SREK1IP1: variants seen among roughly 807,000 people sequenced by gnomAD.
The protein encoded by SREK1IP1 is SREK1 interacting protein 1.
In SREK1IP1, 12 loss-of-function variants were observed where a neutral mutation model predicts 22.8. That is an observed-to-expected ratio of 0.53 (90% CI 0.34 to 0.85). The LOEUF (loss-of-function observed/expected upper bound fraction) is 0.85. SREK1IP1 is among the 40% of genes least tolerant of loss of function. SREK1IP1 has a pLI of 0.02. For missense variants in SREK1IP1, 147 were observed against 171.8 expected (o/e 0.86, Z 0.81); for synonymous variants, 53 against 52.7 (o/e 1.01, Z -0.02).
At chr5:64,750,982 A>C (rs1399052837) in intron 2 of SREK1IP1, among the ~76,000 whole-genome samples, 1 of 152,184 alleles carries the variant, frequency 6.6e-6, no homozygotes, top group Non-Finnish European at 1.5e-5. Flanking sequence ...TCTCTCATGG[A>C]AATTTCTTGA....
chr5:64,737,014 T>C lies in SREK1IP1; in HGVS notation c.205+4043A>G, dbSNP rs150900665. Among the ~76,000 whole-genome samples the C allele has an allele frequency of 1.7e-4, 26 of 151,834 alleles. No homozygotes were observed. In the East Asian group the frequency reaches 4.3e-3, roughly 25 times the overall value. On this transcript the variant is annotated intron_variant, in intron 3 of 4. Transcript: ENST00000513458. The stretch of plus-strand genomic sequence containing the variant: ...AACTAAGGAAATAAAACAGTAGCTA[T>C]GGGAATAATTTCCTCTTCTACTTAG...
intron 2 of SREK1IP1, among the ~76,000 whole-genome samples, chr5:64,744,431 T>C (rs1249911274): frequency 6.6e-6 from 1 of 152,208 alleles, no homozygotes; most frequent in African/African-American, 2.4e-5. Context: ...TTCTGTCTCA[T>C]GACCCTCAGT....
At chr5:64,733,773 T>TAGTATATCC (rs1742415225) in intron 3 of SREK1IP1, among the ~76,000 whole-genome samples, 2 of 152,048 alleles carry the variant, frequency 1.3e-5, no homozygotes, top group South Asian at 4.1e-4. Flanking sequence ...AAACAAACAG[T>TAGTATATCC]AGTATATCCA....
intron 1 of SREK1IP1, 75 bp downstream of exon 1, chr5:64,768,430 A>T: frequency 6.2e-7 from 1 of 1,601,304 alleles, no homozygotes; most frequent in East Asian, 2.2e-5. Flanking sequence ...TGCTCCGTAC[A>T]CGCCGCACCC....
chr5:64,757,246 T>A lies in SREK1IP1; in HGVS notation c.14-2884A>T, dbSNP rs184321991. Among the ~76,000 whole-genome samples, 36 of 152,288 alleles carry A rather than the reference T, an allele frequency of 2.4e-4. 1 individual carries two copies. The highest frequency in any genetic ancestry group is 8.4e-4 in the African/African-American group (35 of 41,566). On this transcript the variant is annotated intron_variant, in intron 1 of 4. Coordinates refer to ENST00000513458, the MANE Select transcript of SREK1IP1 (RefSeq NM_173829.4). Reference sequence around the variant, plus strand: ...ACCACATCTCTACAAATTCTTTGTTTTAATTAGCTGGTCCTGGCATGTGCT... The same window carrying A: ...ACCACATCTCTACAAATTCTTTGTTATAATTAGCTGGTCCTGGCATGTGCT...
In SREK1IP1 at chr5:64,732,273, G is replaced by C. The variant is rs764175120; in HGVS notation, c.206-4094C>G. Among the ~76,000 whole-genome samples the C allele has an allele frequency of 1.1e-4, 16 of 152,200 alleles. No individual in the cohort carries two copies. In the Middle Eastern group the frequency reaches 0.01, roughly 97 times the overall value. On this transcript the variant is annotated intron_variant, in intron 3 of 4. Coordinates refer to ENST00000513458, the MANE Select transcript of SREK1IP1 (RefSeq NM_173829.4). ...TGAAGCTCACCTATTTCAATTACATGAAATACTTGGAAATAACAAAACACT... is the reference window on the plus strand; with the variant it reads ...TGAAGCTCACCTATTTCAATTACATCAAATACTTGGAAATAACAAAACACT...
chr5:64,736,904 T>C (rs13165219), intron 3 of SREK1IP1, among the ~76,000 whole-genome samples: 1 of 150,242 alleles, frequency 6.7e-6, no homozygotes, highest in Non-Finnish European at 1.5e-5. Context: ...CTTTTAGTAG[T>C]TGTCTCTCTT....
chr5:64,752,146 GT>G (rs869277379), intron 2 of SREK1IP1, among the ~76,000 whole-genome samples: 116 of 61,044 alleles, frequency 1.9e-3, no homozygotes, highest in Middle Eastern at 0.011. Flanking sequence ...TTTTTTGTGT[GT>G]TTTTTTTTTT....
intron 1 of SREK1IP1, among the ~76,000 whole-genome samples, chr5:64,761,900 A>G (rs1742958031): frequency 6.6e-6 from 1 of 152,236 alleles, no homozygotes; most frequent in African/African-American, 2.4e-5. Context: ...TAAAGTTAAC[A>G]GTAGACAACG....
At chr5:64,726,471 G>A (rs189681488) in intron 4 of SREK1IP1, among the ~76,000 whole-genome samples, 1 of 151,820 alleles carries the variant, frequency 6.6e-6, no homozygotes, top group African/African-American at 2.4e-5. Context: ...AGCTACTGGG[G>A]AGGCTGAGGC....
chr5:64,739,245 C>T (rs2112095602), intron 3 of SREK1IP1, among the ~76,000 whole-genome samples: 1 of 152,190 alleles, frequency 6.6e-6, no homozygotes, highest in Middle Eastern at 3.4e-3. Context: ...GTCTGGGAAC[C>T]AAATAGGTGA....
intron 1 of SREK1IP1, among the ~76,000 whole-genome samples, chr5:64,758,089 G>A (rs1742879699): frequency 1.3e-5 from 2 of 150,448 alleles, no homozygotes; most frequent in African/African-American, 2.4e-5. Flanking sequence ...TGTTAGCCAG[G>A]ATGGTCTCGA....
At chr5:64,750,419 C>G (rs1742721355) in intron 2 of SREK1IP1, among the ~76,000 whole-genome samples, 1 of 152,168 alleles carries the variant, frequency 6.6e-6, no homozygotes, top group Non-Finnish European at 1.5e-5. Flanking sequence ...TGTTCATCCT[C>G]ATTGCAGACA....
intron 2 of SREK1IP1, among the ~76,000 whole-genome samples, chr5:64,749,279 C>T (rs1742701647): frequency 6.6e-6 from 1 of 151,942 alleles, no homozygotes; most frequent in African/African-American, 2.4e-5. Flanking sequence ...GGCTTTAGCT[C>T]TACCTAAAAT....
chr5:64,752,144 G>GTTTTTTTTT lies in SREK1IP1; in HGVS notation c.61+2170_61+2171insAAAAAAAAA, dbSNP rs755420855. 1.5e-4 allele frequency among the ~76,000 whole-genome samples: 13 copies of GTTTTTTTTT among 85,474 alleles called. 1 individual carries two copies. Among genetic ancestry groups the GTTTTTTTTT allele is most frequent in the Non-Finnish European group, 2.4e-4 (11 of 45,746 alleles). The allele number at this position is 85,474 out of a possible 152,430, so 56.1% of individuals were successfully genotyped here. A position where few individuals can be genotyped will look rare whatever the true frequency, so the allele number is the denominator to read the frequency against. ...CTCTTTTTCTGTGAATTTTTTTTGT[G>GTTTTTTTTT]TGTTTTTTTTTTTTTTTTTTTTTTT... On this transcript the variant is annotated intron_variant, in intron 2 of 4. Coordinates refer to ENST00000513458, the MANE Select transcript of SREK1IP1 (RefSeq NM_173829.4).
At chr5:64,752,144 GTGT>G (rs1252864323) in intron 2 of SREK1IP1, among the ~76,000 whole-genome samples, 9 of 85,476 alleles carry the variant, frequency 1.1e-4, no homozygotes, top group African/African-American at 3.7e-4. Flanking sequence ...TTTTTTTTGT[GTGT>G]TTTTTTTTTT....
chr5:64,725,885 A>T (rs1742255970), intron 4 of SREK1IP1, among the ~76,000 whole-genome samples: 1 of 127,320 alleles, frequency 7.9e-6, no homozygotes, highest in African/African-American at 3.1e-5. Context: ...TTTTTCTGAG[A>T]CAGAGTTTCA....
Position 64,719,742 on chromosome 5 carries a change from G to A in SREK1IP1, c.*4642C>T, listed in dbSNP as rs974297538. The A allele has an allele frequency of 1.2e-4, 18 of 152,162 alleles. No homozygotes were observed. Among genetic ancestry groups the A allele is most frequent in the African/African-American group, 4.1e-4 (17 of 41,430 alleles). 9.4% of individuals were successfully genotyped at this position (152,162 alleles called of 1,614,324 possible). A position where few individuals can be genotyped will look rare whatever the true frequency, so the allele number is the denominator to read the frequency against. ...AGGCATAGTGGGGTCAGGCATGACT[G>A]GATGCATCATGGGTTGTGCTATAGA... On this transcript the variant is annotated 3_prime_UTR_variant, in exon 5 of 5. Coordinates refer to ENST00000513458, the MANE Select transcript of SREK1IP1 (RefSeq NM_173829.4).
chr5:64,752,145 TG>T (rs534486941), intron 2 of SREK1IP1, among the ~76,000 whole-genome samples: 18,474 of 78,116 alleles, frequency 0.24, 2,723 homozygotes, highest in African/African-American at 0.3. Context: ...TTTTTTTGTG[TG>T]TTTTTTTTTT....
Sources: allele counts gnomAD v4.1 joint callset (sites outside exome capture counted in the v4.1 genomes callset), GRCh38; gene constraint gnomAD v4.1.1; transcripts MANE v1.5; gene names NCBI Gene and HGNC (gene_info 2026-07-23, HGNC 2026-07-21).